NXPE4: variants seen among roughly 807,000 people sequenced by gnomAD.
NXPE4 encodes neurexophilin and PC-esterase domain family member 4.
In NXPE4, 42 loss-of-function variants were observed where a neutral mutation model predicts 33.3. The ratio of observed to expected loss-of-function variants is 1.26; its 90% CI spans 0.98 to 1.63. The LOEUF is 1.63. NXPE4 is among the 40% of genes most tolerant of loss of function. NXPE4 has a pLI of 0.00. For missense variants in NXPE4, 709 were observed against 647.6 expected (o/e 1.09, Z -1.03); for synonymous variants, 253 against 234.9 (o/e 1.08, Z -0.71).
Position 114,581,724 on chromosome 11 carries a change from C to T in NXPE4, c.892+1G>A. 6.2e-7 allele frequency: 1 copy of T among 1,610,062 alleles called. No individual in the cohort carries two copies. The highest frequency in any genetic ancestry group is 8.5e-7 in the Non-Finnish European group (1 of 1,176,962). On this transcript the variant is annotated splice_donor_variant, in intron 4 of 5. Coordinates refer to ENST00000375478, the MANE Select transcript of NXPE4 (RefSeq NM_001077639.2). LOFTEE classifies it high-confidence loss of function. The stretch of plus-strand genomic sequence containing the variant: ...CACCCACCAAACACAGGAGTACTTA[C>T]TGTTGCATTTGGAGACACTAATTGT...
the NXPE4 span, among the ~76,000 whole-genome samples, chr11:114,662,770 G>T: frequency 2.0e-5 from 3 of 152,124 alleles, no homozygotes; most frequent in African/African-American, 7.2e-5. Flanking sequence ...CCTAGCTCCC[G>T]AGTGACATTT....
chr11:114,604,546 G>A, the NXPE4 span, among the ~76,000 whole-genome samples: 1 of 151,790 alleles, frequency 6.6e-6, no homozygotes, highest in African/African-American at 2.4e-5. Flanking sequence ...GTATTTCCTT[G>A]TGGATAACCA....
the NXPE4 span, among the ~76,000 whole-genome samples, chr11:114,656,441 T>A: frequency 6.6e-6 from 1 of 152,138 alleles, no homozygotes; most frequent in Non-Finnish European, 1.5e-5. Context: ...TTGAATTTCG[T>A]ATGGAATCAA....
chr11:114,585,426 T>C (rs907622793), intron 2 of NXPE4, among the ~76,000 whole-genome samples: 1 of 152,004 alleles, frequency 6.6e-6, no homozygotes, highest in Non-Finnish European at 1.5e-5. Context: ...GAAAGTGAAG[T>C]AATGGAAAAA....
At chr11:114,610,287 A>G in the NXPE4 span, among the ~76,000 whole-genome samples, 12 of 150,766 alleles carry the variant, frequency 8.0e-5, 1 homozygote, top group Admixed American at 2.7e-4. Flanking sequence ...CCGGTGGATA[A>G]TAAGTGTTGC....
At chr11:114,606,703 T>C in the NXPE4 span, among the ~76,000 whole-genome samples, 1 of 151,848 alleles carries the variant, frequency 6.6e-6, no homozygotes, top group Non-Finnish European at 1.5e-5. Flanking sequence ...ACCCGGAGGG[T>C]AATAAGGACT....
chr11:114,625,915 G>C, the NXPE4 span, among the ~76,000 whole-genome samples: 1 of 152,164 alleles, frequency 6.6e-6, no homozygotes, highest in African/African-American at 2.4e-5. Flanking sequence ...AGGGGTGACA[G>C]ACGGCACCTG....
At chr11:114,599,687 G>A (rs746140384), upstream of NXPE4, among the ~76,000 whole-genome samples, 9 of 152,230 alleles carry the variant, frequency 5.9e-5, no homozygotes, top group Middle Eastern at 0.01. Context: ...TACATGGCCA[G>A]AGCAGGAGCA....
chr11:114,630,264 T>A, the NXPE4 span, among the ~76,000 whole-genome samples: 1 of 151,810 alleles, frequency 6.6e-6, no homozygotes. Flanking sequence ...ACTACCTGAC[T>A]TCAAACTATA....
Position 114,581,803 on chromosome 11 carries a change from CA to C in NXPE4, c.831-18del. On this transcript the variant is annotated intron_variant, in intron 3 of 5. Coordinates refer to ENST00000375478, the MANE Select transcript of NXPE4 (RefSeq NM_001077639.2). The stretch of plus-strand genomic sequence containing the variant: ...ACATTTGACCTTAAAGACACAAATA[CA>C]GAAATTAATCTGTAGGTGGCCTCAA... 6.3e-7 allele frequency: 1 copy of C among 1,579,124 alleles called. No homozygotes were observed. Among genetic ancestry groups the C allele is most frequent in the African/African-American group, 1.4e-5 (1 of 74,002 alleles).
At chr11:114,622,351 C>G in the NXPE4 span, among the ~76,000 whole-genome samples, 7 of 152,060 alleles carry the variant, frequency 4.6e-5, no homozygotes, top group African/African-American at 1.7e-4. Context: ...AGTGTTGCCT[C>G]GTGGGTAACC....
the NXPE4 span, among the ~76,000 whole-genome samples, chr11:114,627,857 A>G: frequency 6.6e-6 from 1 of 151,524 alleles, no homozygotes; most frequent in African/African-American, 2.4e-5. Flanking sequence ...AAAAAAATGC[A>G]GGGATTGCAA....
At chr11:114,636,447 T>G in the NXPE4 span, among the ~76,000 whole-genome samples, 4 of 152,082 alleles carry the variant, frequency 2.6e-5, no homozygotes, top group Non-Finnish European at 5.9e-5. Flanking sequence ...AAGGGTTTTT[T>G]GTGTCTCTAT....
intron 4 of NXPE4, 57 bp downstream of exon 4, chr11:114,581,668 A>G (rs1949149114): frequency 1.5e-6 from 2 of 1,355,952 alleles, no homozygotes; most frequent in Non-Finnish European, 2.1e-6. Flanking sequence ...TAGAAAGAAG[A>G]AACCCTTTAA....
chr11:114,651,350 A>T, the NXPE4 span, among the ~76,000 whole-genome samples: 1 of 151,234 alleles, frequency 6.6e-6, no homozygotes, highest in Non-Finnish European at 1.5e-5. Flanking sequence ...GCACGTCCGG[A>T]GTTGTTTGTT....
the NXPE4 span, among the ~76,000 whole-genome samples, chr11:114,628,434 G>A: frequency 1.3e-5 from 2 of 152,102 alleles, no homozygotes; most frequent in Non-Finnish European, 1.5e-5. Flanking sequence ...GGTACATAAC[G>A]AAATGAAAGC....
In NXPE4 at chr11:114,582,439, C is replaced by G. The variant is rs1440479481; in HGVS notation, c.679G>C (p.Ala227Pro). ...TTGTCCAGGTACTGGCACAATTCAG[C>G]ATTTGTGTTTAGGATCAGGCCACAT... is the stretch of plus-strand genomic sequence containing the variant. ...SECGLILNTN[A>P]ELCQYLDNRD... Residue 227 changes from alanine to proline, a missense_variant, in exon 3 of 6, where the codon GCT (alanine) becomes CCT (proline). Coordinates refer to ENST00000375478, the MANE Select transcript of NXPE4 (RefSeq NM_001077639.2). 10 of 1,614,044 alleles carry G rather than the reference C, an allele frequency of 6.2e-6. No individual in the cohort carries two copies. The African/African-American group carries it at 1.1e-4, about 17-fold the overall frequency.
intron 2 of NXPE4, among the ~76,000 whole-genome samples, chr11:114,593,600 T>C (rs1293477238): frequency 6.6e-6 from 1 of 152,118 alleles, no homozygotes; most frequent in Non-Finnish European, 1.5e-5. Flanking sequence ...ACAACCACTA[T>C]AGAGAACAGT....
the NXPE4 span, among the ~76,000 whole-genome samples, chr11:114,647,433 A>G: frequency 2.0e-5 from 3 of 152,174 alleles, no homozygotes; most frequent in East Asian, 5.8e-4. Flanking sequence ...AACTATCTAA[A>G]TCTATCTAGT....
Sources: gnomAD v4.1 joint callset for allele counts (sites outside exome capture counted in the v4.1 genomes callset) on GRCh38, gnomAD v4.1.1 for gene constraint, MANE v1.5 for transcripts, NCBI Gene and HGNC (gene_info 2026-07-23, HGNC 2026-07-21) for gene names.